NOTCH1: variants seen among roughly 807,000 people sequenced by gnomAD.
The protein encoded by NOTCH1 is notch receptor 1, also known as neurogenic locus notch homolog protein 1.
In NOTCH1, 37 loss-of-function variants were observed where a neutral mutation model predicts 254.8. The ratio of observed to expected loss-of-function variants is 0.15; its 90% CI spans 0.11 to 0.19. NOTCH1 has a LOEUF of 0.19. NOTCH1 is among the 10% of genes least tolerant of loss of function. NOTCH1 has a pLI of 1.00. For synonymous variants in NOTCH1, 1,731 were observed against 1,618.1 expected, an observed-to-expected ratio of 1.07 and a Z score of -1.68; for missense variants, 2,972 against 3,708.6, an observed-to-expected ratio of 0.80 and a Z score of 5.16.
In NOTCH1 at chr9:136,501,901, C is replaced by T. The variant is rs765486614; in HGVS notation, c.5485G>A (p.Val1829Met). ...TGGTCGTCCAGGTCAGGCAGAACCA[C>T]GGGCTCCTCGAACTACATAGAGGGA... The part of the protein sequence containing the change: ...ETKKFRFEEP[V>M]VLPDLDDQTD... Residue 1829 changes from valine to methionine, a missense_variant, in exon 30 of 34, where the codon GTG becomes ATG. Val to Met is a conservative substitution (Grantham distance 21, BLOSUM62 1). This residue lies in a region of NOTCH1 where 421 missense variants were observed against 604.4 expected (regional missense o/e 0.70). Transcript: ENST00000651671. 11 of 1,611,690 alleles carry T rather than the reference C, an allele frequency of 6.8e-6. No homozygotes were observed. The highest frequency in any genetic ancestry group is 6.7e-5 in the Admixed American group (4 of 59,998).
At position 136,506,977 on chromosome 9, in the gene NOTCH1, C is replaced by G. The variant is rs376161552; in HGVS notation, c.3644-4G>C. On this transcript the variant is annotated splice_region_variant and splice_polypyrimidine_tract_variant and intron_variant, in intron 22 of 33. Coordinates refer to ENST00000651671, the MANE Select transcript of NOTCH1 (RefSeq NM_017617.5). The surrounding 1 kb of genome is among the most constrained non-coding windows in gnomAD (Gnocchi z 4.5). ...ACGTTGATCTCACAGTGCACACCTG[C>G]GGGGCCAGGTTTCGTCAGTGGCCCA... is the stretch of plus-strand genomic sequence containing the variant. The G allele has an allele frequency of 6.3e-7, 1 of 1,594,842 alleles. No individual in the cohort carries two copies. Among genetic ancestry groups the G allele is most frequent in the Middle Eastern group, 2.2e-4 (1 of 4,612 alleles).
At chr9:136,527,809 G>A (rs1417252692) in intron 2 of NOTCH1, among the ~76,000 whole-genome samples, 1 of 152,184 alleles carries the variant, frequency 6.6e-6, no homozygotes, top group East Asian at 1.9e-4. Context: ...CCCCGCAGGT[G>A]AGCGGCGGGC....
chr9:136,544,140 GCAC>G (rs760549353), intron 1 of NOTCH1, 38 bp from the exon 2 acceptor site: 2 of 1,530,740 alleles, frequency 1.3e-6, no homozygotes, highest in South Asian at 2.4e-5. Context: ...AGTCTCACCC[GCAC>G]CACCACCACC....
chr9:136,507,764 T>A (rs574763183), intron 21 of NOTCH1, among the ~76,000 whole-genome samples, 191 bp downstream of exon 21: 1 of 152,228 alleles, frequency 6.6e-6, no homozygotes, highest in South Asian at 2.1e-4. Flanking sequence ...ATAGGTACCC[T>A]CCTTCAGGCT....
At position 136,496,241 on chromosome 9, in the gene NOTCH1, G is replaced by C. The variant is rs763902589; in HGVS notation, c.7498C>G (p.His2500Asp). 1.7e-5 allele frequency: 27 copies of C among 1,605,198 alleles called. No homozygotes were observed. Among genetic ancestry groups the C allele is most frequent in the Non-Finnish European group, 2.1e-5 (25 of 1,175,608 alleles). Residue 2500 changes from histidine to aspartate, a missense_variant, in exon 34 of 34, where the codon CAC (histidine) becomes GAC (aspartate). Transcript: ENST00000651671. ...YSSPVDNTPS[H>D]QLQVPEHPFL... is the part of the protein sequence containing the mutation. ...GGGTGCTCAGGCACCTGTAGCTGGTGGCTGGGGGTGTTGTCCACAGGCGAG... is the reference window on the plus strand; with the variant it reads ...GGGTGCTCAGGCACCTGTAGCTGGTCGCTGGGGGTGTTGTCCACAGGCGAG...
At chr9:136,534,586 A>G (rs1368240510) in intron 2 of NOTCH1, among the ~76,000 whole-genome samples, 2 of 152,108 alleles carry the variant, frequency 1.3e-5, no homozygotes, top group Non-Finnish European at 2.9e-5. Context: ...GCCCCGTGCA[A>G]GTGAGGCCGG....
chr9:136,528,023 G>A (rs1195534768), intron 2 of NOTCH1, among the ~76,000 whole-genome samples: 1 of 152,116 alleles, frequency 6.6e-6, no homozygotes, highest in Non-Finnish European at 1.5e-5. Context: ...CTTTCACCCA[G>A]GACGAATTCT....
intron 4 of NOTCH1, 136 bp from the exon 5 acceptor site, chr9:136,519,701 TCC>T: frequency 8.1e-7 from 1 of 1,237,540 alleles, no homozygotes. Context: ...TCTGTGCCCG[TCC>T]CCTGCCTCAC....
At chr9:136,535,510 GAGTGGGTGGA>G (rs1843634136) in intron 2 of NOTCH1, among the ~76,000 whole-genome samples, 2 of 54,100 alleles carry the variant, frequency 3.7e-5, no homozygotes, top group African/African-American at 1.9e-4. Flanking sequence ...TGCAGGGTGG[GAGTGGGTGGA>G]GGGGGGAGCA....
Position 136,504,774 on chromosome 9 carries a change from G to C in NOTCH1, c.4917C>G (p.Ala1639=), listed in dbSNP as rs371365065. 4 of 1,552,270 alleles carry C rather than the reference G, an allele frequency of 2.6e-6. No homozygotes were observed. Among genetic ancestry groups the C allele is most frequent in the Non-Finnish European group, 1.7e-6 (2 of 1,148,360 alleles). The change falls in exon 26 of 34, where the codon GCC becomes GCG. Residue 1639 remains alanine (A), a synonymous_variant. Transcript: ENST00000651671. ...HPIKRAAEGW[A]APDALLGQVK... ...CCTGGCCCAGCAGGGCGTCAGGTGCGGCCCAGCCCTCGGCGGCACGCTTGA... is the reference window on the plus strand; with the variant it reads ...CCTGGCCCAGCAGGGCGTCAGGTGCCGCCCAGCCCTCGGCGGCACGCTTGA...
intron 2 of NOTCH1, among the ~76,000 whole-genome samples, chr9:136,525,704 G>A (rs1843448734): frequency 6.6e-6 from 1 of 152,244 alleles, no homozygotes; most frequent in Non-Finnish European, 1.5e-5. Context: ...CCACCCCAGT[G>A]TCTCCAATCA....
At chr9:136,525,896 C>T (rs1843452082) in intron 2 of NOTCH1, among the ~76,000 whole-genome samples, 1 of 152,254 alleles carries the variant, frequency 6.6e-6, no homozygotes, top group South Asian at 2.1e-4. Context: ...AGAGAGAACG[C>T]AAAAGGGCCA....
chr9:136,524,665 T>G (rs1843432287), intron 2 of NOTCH1, among the ~76,000 whole-genome samples: 1 of 143,340 alleles, frequency 7.0e-6, no homozygotes. Context: ...TTTTTTTGAG[T>G]CTTGCTCTGT....
At chr9:136,539,250 G>C (rs1314137813) in intron 2 of NOTCH1, among the ~76,000 whole-genome samples, 1 of 152,122 alleles carries the variant, frequency 6.6e-6, no homozygotes. Flanking sequence ...TCAGAGGCAG[G>C]GCCTGCCCCA....
Position 136,513,381 on chromosome 9 carries a change from A to T in NOTCH1, c.2353+11T>A, listed in dbSNP as rs947426537. ...CGGCCCTCTGCACTGAGAAACGCGC[A>T]GCCCACTCACCGCTGAAGCCCTCCC... On this transcript the variant is annotated intron_variant, in intron 14 of 33. Transcript: ENST00000651671. The surrounding 1 kb of genome is among the most constrained non-coding windows in gnomAD (Gnocchi z 4.7). 5 of 1,612,630 alleles carry T rather than the reference A, an allele frequency of 3.1e-6. No individual in the cohort carries two copies. In the African/African-American group the frequency reaches 6.7e-5, roughly 22 times the overall value.
rs2133362365 is a variant in NOTCH1 at position 136,515,305 on chromosome 9, C to T, written c.1999G>A (p.Glu667Lys). The T allele has an allele frequency of 6.2e-7, 1 of 1,612,912 alleles. No homozygotes were observed. The change falls in exon 12 of 34, where the codon GAG becomes AAG. Residue 667 changes from glutamate (E) to lysine (K), a missense_variant. By Grantham distance (56) the Glu-to-Lys change is moderately conservative. Around this residue, in one of 8 missense-constraint regions of NOTCH1, gnomAD observed 1,343 missense variants for 1,557.0 expected, o/e 0.86. Coordinates refer to ENST00000651671, the MANE Select transcript of NOTCH1 (RefSeq NM_017617.5). ...GGCCGCTCACCTGTGTAGCCCGGCTCACAGGCACACTCGTAGCCATCGATC... is the reference window on the plus strand; with the variant it reads ...GGCCGCTCACCTGTGTAGCCCGGCTTACAGGCACACTCGTAGCCATCGATC... ...DKIDGYECACEPGYTGSMCNI... is the reference protein window; with the variant it reads ...DKIDGYECACKPGYTGSMCNI...
At position 136,515,977 on chromosome 9, in the gene NOTCH1, G is replaced by A. The variant is rs1227337588; in HGVS notation, c.1669+4C>T. 13 of 1,606,050 alleles carry A rather than the reference G, an allele frequency of 8.1e-6. No homozygotes were observed. The highest frequency in any genetic ancestry group is 1.1e-5 in the South Asian group (1 of 90,980). On this transcript the variant is annotated splice_donor_region_variant and intron_variant, in intron 10 of 33. Transcript: ENST00000651671. ...CCTCCCCGCTGGTGGGCGCCAGCCC[G>A]CACCTTCCGTGCACACACAGGTGTA...
At chr9:136,528,116 GAGA>G (rs923280441) in intron 2 of NOTCH1, among the ~76,000 whole-genome samples, 42 of 151,806 alleles carry the variant, frequency 2.8e-4, no homozygotes, top group African/African-American at 9.2e-4. Flanking sequence ...GCCCCAAAAT[GAGA>G]AGGAGGGGTG....
At chr9:136,539,426 T>C (rs1843700587) in intron 2 of NOTCH1, among the ~76,000 whole-genome samples, 1 of 152,214 alleles carries the variant, frequency 6.6e-6, no homozygotes, top group Admixed American at 6.5e-5. Flanking sequence ...TCTCACTTTG[T>C]CACCCAGGCT....
Sources: gnomAD v4.1 joint callset for allele counts (sites outside exome capture counted in the v4.1 genomes callset) on GRCh38, gnomAD v4.1.1 for gene constraint, gnomAD v4.1.1 regional missense constraint, Gnocchi (gnomAD v3.1) non-coding constraint, MANE v1.5 for transcripts, NCBI Gene and HGNC (gene_info 2026-07-23, HGNC 2026-07-21) for gene names.